Variants in CHL1 observed in about 807,000 individuals in gnomAD.
The protein encoded by CHL1 is cell adhesion molecule L1 like, also known as neural cell adhesion molecule L1-like protein.
Under a neutral mutation model 141.9 loss-of-function variants are expected in CHL1, and 96 were observed. That is an observed-to-expected ratio of 0.68 (90% CI 0.57 to 0.80). CHL1 has a LOEUF of 0.80. Among genes scored for constraint, CHL1 ranks in the 30% least tolerant of loss-of-function variants. The probability of loss-of-function intolerance (pLI) is 0.00; values close to 1 mark genes in which losing one functional copy is unlikely to be tolerated. For synonymous variants in CHL1, 613 were observed against 502.2 expected, an observed-to-expected ratio of 1.22 and a Z score of -2.95; for missense variants, 1,820 against 1,457.2, an observed-to-expected ratio of 1.25 and a Z score of -4.05.
Position 340,906 on chromosome 3 carries a change from G to A in CHL1, c.498G>A (p.Trp166Ter), listed in dbSNP as rs1303395428. 1.2e-6 allele frequency: 2 copies of A among 1,612,418 alleles called. No homozygotes were observed. The highest frequency in any genetic ancestry group is 1.7e-6 in the Non-Finnish European group (2 of 1,179,056). ...PKGLPPLHIYWMNIELEHIEQ... is the reference protein window; with the variant it reads ...PKGLPPLHIY ...GCCTCCCACCTTTACACATTTATTG[G>A]ATGAATATTGGTAAGTAATGCTCCG... Residue 166 changes from tryptophan (W) to a stop codon, truncating the protein, a stop_gained, in exon 6 of 28, where the codon TGG (tryptophan) becomes TGA (stop). Coordinates refer to ENST00000256509, the MANE Select transcript of CHL1 (RefSeq NM_006614.4). LOFTEE classifies it high-confidence loss of function.
chr3:220,920 G>T (rs533940123), intron 1 of CHL1, among the ~76,000 whole-genome samples: 1 of 152,260 alleles, frequency 6.6e-6, no homozygotes, highest in South Asian at 2.1e-4. Context: ...ACAATCAATT[G>T]TCTCTGAAGC....
In CHL1 at chr3:405,917, T is replaced by G. The variant is rs530855717; in HGVS notation, c.*206T>G. On this transcript the variant is annotated 3_prime_UTR_variant, in exon 28 of 28. Transcript: ENST00000256509. ...ACTTCAGGCCTATGTTTTGCTTATA[T>G]TGTTTTCAGGTGCTCAAAATGCAAA... is the stretch of plus-strand genomic sequence containing the variant. 2 of 499,536 alleles carry G rather than the reference T, an allele frequency of 4.0e-6. No individual in the cohort carries two copies. The highest frequency in any genetic ancestry group is 3.4e-5 in the East Asian group (1 of 29,444). 30.9% of individuals were successfully genotyped at this position (499,536 alleles called of 1,614,324 possible). A position where few individuals can be genotyped will look rare whatever the true frequency, so the allele number is the denominator to read the frequency against.
intron 10 of CHL1, 100 bp from the exon 11 acceptor site, chr3:354,540 G>C: frequency 7.4e-7 from 1 of 1,344,760 alleles, no homozygotes; most frequent in Non-Finnish European, 1.0e-6. Flanking sequence ...CCTTTGTGGT[G>C]TCTGCCCTCT....
chr3:260,471 G>T (rs1160597050), intron 2 of CHL1, among the ~76,000 whole-genome samples: 1 of 152,058 alleles, frequency 6.6e-6, no homozygotes, highest in Non-Finnish European at 1.5e-5. Context: ...TATTTACAGA[G>T]GTAAAAGGGC....
chr3:225,091 G>T (rs1039128186), intron 1 of CHL1, among the ~76,000 whole-genome samples: 1 of 152,108 alleles, frequency 6.6e-6, no homozygotes, highest in African/African-American at 2.4e-5. Flanking sequence ...CCAAGATCTC[G>T]CCACTGCACT....
chr3:197,873 T>A (rs1462615113), intron 1 of CHL1: 1 of 80,864 alleles, frequency 1.2e-5, no homozygotes, highest in Non-Finnish European at 2.7e-5. Flanking sequence ...TTTCTCTCGC[T>A]TTTTTTTTTT....
intron 2 of CHL1, among the ~76,000 whole-genome samples, chr3:248,924 T>C (rs1288221676): frequency 2.0e-5 from 3 of 152,174 alleles, no homozygotes; most frequent in Non-Finnish European, 4.4e-5. Context: ...ATATAAAATG[T>C]CCATGAAAAT....
intron 2 of CHL1, among the ~76,000 whole-genome samples, chr3:305,958 T>TCA (rs1699192547): frequency 6.6e-6 from 1 of 152,186 alleles, no homozygotes; most frequent in Non-Finnish European, 1.5e-5. Flanking sequence ...ATAAGACTAT[T>TCA]AAACATGTGT....
chr3:258,911 T>G (rs1027257233), intron 2 of CHL1, among the ~76,000 whole-genome samples: 2 of 151,890 alleles, frequency 1.3e-5, no homozygotes, highest in Non-Finnish European at 2.9e-5. Context: ...TCACACACCT[T>G]TATTTTAAAC....
chr3:383,785 A>T (rs189294130), intron 18 of CHL1, 31 bp from the exon 19 acceptor site: 77 of 1,560,200 alleles, frequency 4.9e-5, no homozygotes, highest in Non-Finnish European at 6.6e-5. Context: ...GGTTAAAAGG[A>T]AAAATAATGT....
At chr3:204,523 G>C (rs912668145) in intron 1 of CHL1, among the ~76,000 whole-genome samples, 1 of 152,220 alleles carries the variant, frequency 6.6e-6, no homozygotes, top group African/African-American at 2.4e-5. Flanking sequence ...GTAATAGAAT[G>C]TAAGTGGATA....
intron 2 of CHL1, among the ~76,000 whole-genome samples, chr3:314,329 G>GTGTATATATATA (rs1455318071): frequency 1.4e-4 from 9 of 65,316 alleles, no homozygotes; most frequent in Admixed American, 5.8e-4. Flanking sequence ...CTCTCTATGT[G>GTGTATATATATA]TATATATATA....
At chr3:324,605 CTTTATTTATTTATTTATTTA>C (rs60745240) in intron 3 of CHL1, among the ~76,000 whole-genome samples, 17 of 146,112 alleles carry the variant, frequency 1.2e-4, no homozygotes, top group East Asian at 1.0e-3. Context: ...TCACTTCCTA[CTTTATTTATTTATTTATTTA>C]TTTATTTATT....
intron 15 of CHL1, among the ~76,000 whole-genome samples, chr3:366,695 A>T (rs945570212): frequency 6.6e-6 from 1 of 151,996 alleles, no homozygotes; most frequent in Non-Finnish European, 1.5e-5. Flanking sequence ...AAAAAAAAAA[A>T]AAAAAAACTG....
rs1287080831 is a variant in CHL1, at chr3:407,901, A to G, written c.*2190A>G. On this transcript the variant is annotated 3_prime_UTR_variant, in exon 28 of 28. Coordinates refer to ENST00000256509, the MANE Select transcript of CHL1 (RefSeq NM_006614.4). ...TCCTGCTCAGATCTTCTGAGTGGCTAAAACTTATGGATATGAAAAATGAGA... is the reference window on the plus strand; with the variant it reads ...TCCTGCTCAGATCTTCTGAGTGGCTGAAACTTATGGATATGAAAAATGAGA... The G allele has an allele frequency of 6.6e-6, 1 of 152,140 alleles. No individual in the cohort carries two copies. The highest frequency in any genetic ancestry group is 1.9e-4 in the East Asian group (1 of 5,182). 9.4% of individuals were successfully genotyped at this position (152,140 alleles called of 1,614,324 possible).
intron 1 of CHL1, among the ~76,000 whole-genome samples, chr3:240,151 T>C (rs371984840): frequency 6.6e-6 from 1 of 152,212 alleles, no homozygotes. Context: ...CTACTTTTAG[T>C]TCTGTAAGGA....
intron 24 of CHL1, among the ~76,000 whole-genome samples, chr3:397,297 T>G (rs1199848282): frequency 6.6e-6 from 1 of 152,156 alleles, no homozygotes; most frequent in African/African-American, 2.4e-5. Context: ...ATTTCTCTCA[T>G]GGTGTCATTT....
chr3:298,419 AG>A (rs59731588), intron 2 of CHL1, among the ~76,000 whole-genome samples: 49,625 of 152,048 alleles, frequency 0.33, 8,523 homozygotes, highest in Middle Eastern at 0.45. Flanking sequence ...CTGGACCCAC[AG>A]GAAATCTCTA....
rs114391786 is a variant in CHL1, at chr3:333,353, T to C, written c.385+4999T>C. Among the ~76,000 whole-genome samples, 996 of 152,122 alleles carry C rather than the reference T, an allele frequency of 6.5e-3. 10 individuals are homozygous for C. Among genetic ancestry groups the C allele is most frequent in the African/African-American group, 0.023 (963 of 41,512 alleles). On this transcript the variant is annotated intron_variant, in intron 5 of 27. Coordinates refer to ENST00000256509, the MANE Select transcript of CHL1 (RefSeq NM_006614.4). Reference sequence around the variant, plus strand: ...GATTCTTCTCTTAAACTGTAGAGAATTGGTTCTTCTCAAAGATTGATAGAA... The same window carrying C: ...GATTCTTCTCTTAAACTGTAGAGAACTGGTTCTTCTCAAAGATTGATAGAA...
Sources: allele counts gnomAD v4.1 joint callset (sites outside exome capture counted in the v4.1 genomes callset), GRCh38; gene constraint gnomAD v4.1.1; transcripts MANE v1.5; gene names NCBI Gene and HGNC (gene_info 2026-07-23, HGNC 2026-07-21).